LRRIQ1: variants seen among roughly 807,000 people sequenced by gnomAD.
The protein encoded by LRRIQ1 is leucine rich repeats and IQ motif containing 1.
In LRRIQ1, 210 loss-of-function variants were observed where a neutral mutation model predicts 211.9. That is an observed-to-expected ratio of 0.99 (90% CI 0.89 to 1.11). The LOEUF is 1.11. LRRIQ1 is among the 50% of genes most tolerant of loss of function. The pLI is 0.00. For synonymous variants in LRRIQ1, 699 were observed against 650.1 expected, an observed-to-expected ratio of 1.08 and a Z score of -1.14; for missense variants, 2,136 against 1,939.5, an observed-to-expected ratio of 1.10 and a Z score of -1.90.
intron 1 of LRRIQ1, among the ~76,000 whole-genome samples, chr12:85,256,055 C>T (rs540991242): frequency 6.6e-6 from 1 of 151,780 alleles, no homozygotes; most frequent in Admixed American, 6.6e-5. Context: ...AATGAGTCAA[C>T]AATTATTCCA....
At chr12:85,223,620 C>T (rs1055895470) in intron 24 of LRRIQ1, among the ~76,000 whole-genome samples, 2 of 152,000 alleles carry the variant, frequency 1.3e-5, no homozygotes, top group African/African-American at 4.8e-5. Context: ...GGAAAGTAGC[C>T]TATAGTTTAG....
intron 6 of LRRIQ1, among the ~76,000 whole-genome samples, chr12:85,051,033 T>C (rs778440803): frequency 5.3e-5 from 8 of 152,122 alleles, no homozygotes; most frequent in Non-Finnish European, 1.2e-4. Flanking sequence ...GTGTTGGAGG[T>C]GGGGCCTAGT....
rs1161556230 is a variant in LRRIQ1 at position 85,055,758 on chromosome 12, A to T, written c.965A>T (p.Lys322Met). ...AAGAAAAGGAAAGCACAAGAGTGGA[A>T]GGAAAAGGAAGCAAAAATACGACAA... The part of the protein sequence containing the change: ...ESKKRKAQEW[K>M]EKEAKIRQKE... The change falls in exon 8 of 27, where the codon AAG becomes ATG. Residue 322 changes from lysine to methionine, a missense_variant. Coordinates refer to ENST00000393217, the MANE Select transcript of LRRIQ1 (RefSeq NM_001079910.2). The T allele has an allele frequency of 6.8e-6, 11 of 1,609,732 alleles. No homozygotes were observed. The highest frequency in any genetic ancestry group is 9.3e-6 in the Non-Finnish European group (11 of 1,177,816).
chr12:85,171,566 G>A (rs1460383422), intron 24 of LRRIQ1, among the ~76,000 whole-genome samples: 1 of 152,168 alleles, frequency 6.6e-6, no homozygotes, highest in African/African-American at 2.4e-5. Flanking sequence ...AACTTCTTCA[G>A]AGAAACAAAG....
chr12:85,065,877 C>G (rs567081361), intron 9 of LRRIQ1, among the ~76,000 whole-genome samples: 1 of 151,832 alleles, frequency 6.6e-6, no homozygotes, highest in African/African-American at 2.4e-5. Context: ...CAGGATTGTC[C>G]GGAAGATGGG....
intron 8 of LRRIQ1, among the ~76,000 whole-genome samples, chr12:85,058,190 A>G (rs966162536): frequency 3.3e-5 from 5 of 152,016 alleles, no homozygotes; most frequent in African/African-American, 1.2e-4. Flanking sequence ...GATTTTGAAG[A>G]TATTTCTGGT....
downstream of LRRIQ1, among the ~76,000 whole-genome samples, chr12:85,246,573 G>T (rs1292198710): frequency 1.3e-5 from 2 of 151,378 alleles, no homozygotes; most frequent in Admixed American, 1.3e-4. Context: ...AAATATGCAA[G>T]TTTCATCATT....
chr12:85,057,799 T>A (rs545323908), intron 8 of LRRIQ1, among the ~76,000 whole-genome samples: 1 of 152,074 alleles, frequency 6.6e-6, no homozygotes, highest in Non-Finnish European at 1.5e-5. Context: ...CAGAAACTAA[T>A]AAACGTATAG....
chr12:85,257,122 A>T (rs1259976103), intron 1 of LRRIQ1, among the ~76,000 whole-genome samples: 1 of 109,988 alleles, frequency 9.1e-6, no homozygotes, highest in Non-Finnish European at 1.8e-5. Flanking sequence ...TAATTACATA[A>T]TATATAATAT....
At chr12:85,178,721 C>T (rs1891835203) in intron 24 of LRRIQ1, among the ~76,000 whole-genome samples, 1 of 151,824 alleles carries the variant, frequency 6.6e-6, no homozygotes, top group African/African-American at 2.4e-5. Context: ...ATTATCTTCT[C>T]CATCTATTCC....
At chr12:85,116,805 T>C (rs1887615507) in intron 15 of LRRIQ1, among the ~76,000 whole-genome samples, 1 of 152,154 alleles carries the variant, frequency 6.6e-6, no homozygotes, top group Admixed American at 6.5e-5. Flanking sequence ...GAACATGTAG[T>C]ATTTTGTTTC....
At chr12:85,058,117 G>T (rs1490214105) in intron 8 of LRRIQ1, among the ~76,000 whole-genome samples, 1 of 151,974 alleles carries the variant, frequency 6.6e-6, no homozygotes, top group Non-Finnish European at 1.5e-5. Context: ...CGTTATTATG[G>T]ATCTTGAGAA....
At chr12:85,196,092 T>G (rs1287060574) in intron 24 of LRRIQ1, among the ~76,000 whole-genome samples, 3 of 152,104 alleles carry the variant, frequency 2.0e-5, no homozygotes, top group East Asian at 3.9e-4. Flanking sequence ...TCAAGGAGAA[T>G]AAAATACCTA....
intron 24 of LRRIQ1, among the ~76,000 whole-genome samples, chr12:85,228,962 G>A (rs1894802270): frequency 6.6e-6 from 1 of 152,102 alleles, no homozygotes; most frequent in Non-Finnish European, 1.5e-5. Context: ...CAAAAATGGA[G>A]CAGTCTAAAA....
chr12:85,102,874 AG>A (rs1332221836), intron 13 of LRRIQ1, among the ~76,000 whole-genome samples: 14 of 148,710 alleles, frequency 9.4e-5, no homozygotes, highest in Admixed American at 2.0e-4. Context: ...ATAGACCTTG[AG>A]CCAAAGCATA....
chr12:85,270,495 TG>T, the LRRIQ1 span, among the ~76,000 whole-genome samples: 1 of 152,160 alleles, frequency 6.6e-6, no homozygotes, highest in South Asian at 2.1e-4. Flanking sequence ...TTCTCGTATG[TG>T]ATCCATTTTC....
intron 24 of LRRIQ1, among the ~76,000 whole-genome samples, chr12:85,179,980 A>G (rs1891898735): frequency 6.6e-6 from 1 of 151,952 alleles, no homozygotes; most frequent in South Asian, 2.1e-4. Flanking sequence ...GCACTCAATA[A>G]GTGTTTGTTG....
At chr12:85,180,962 A>G (rs544560004) in intron 24 of LRRIQ1, among the ~76,000 whole-genome samples, 49 of 152,016 alleles carry the variant, frequency 3.2e-4, no homozygotes, top group Middle Eastern at 3.4e-3. Flanking sequence ...GATAGATACG[A>G]TGTAGATTCT....
intron 10 of LRRIQ1, 108 bp from the exon 11 acceptor site, chr12:85,072,799 G>T: frequency 1.5e-6 from 1 of 651,104 alleles, no homozygotes; most frequent in South Asian, 2.8e-5. Context: ...ATAGATTTAG[G>T]TTTTATTTTT....
Sources: gnomAD v4.1 joint callset for allele counts (sites outside exome capture counted in the v4.1 genomes callset) on GRCh38, gnomAD v4.1.1 for gene constraint, MANE v1.5 for transcripts, NCBI Gene and HGNC (gene_info 2026-07-23, HGNC 2026-07-21) for gene names.